Variants in HHLA2 observed in about 807,000 individuals in gnomAD.
HHLA2 encodes HHLA2 member of B7 family, also known as HERV-H LTR-associating protein 2.
Under a neutral mutation model 45.9 loss-of-function variants are expected in HHLA2, and 48 were observed. The ratio of observed to expected loss-of-function variants is 1.05; its 90% CI spans 0.83 to 1.33. HHLA2 has a LOEUF of 1.33. HHLA2 is among the 40% of genes most tolerant of loss of function. The pLI, the probability that HHLA2 is intolerant of heterozygous loss-of-function variation, is 0.00. For missense variants in HHLA2, 462 were observed against 494.3 expected (o/e 0.93, Z 0.62); for synonymous variants, 161 against 173.9 (o/e 0.93, Z 0.59).
chr3:108,309,569 T>G (rs1164805491), intron 1 of HHLA2, among the ~76,000 whole-genome samples: 1 of 152,164 alleles, frequency 6.6e-6, no homozygotes, highest in Non-Finnish European at 1.5e-5. Flanking sequence ...TGAGGTATAA[T>G]GCTCAGGTAA....
At chr3:108,362,393 C>G (rs996864327) in exon 8 of HHLA2, 1 of 1,612,938 alleles carries the variant, frequency 6.2e-7, no homozygotes, top group Non-Finnish European at 8.5e-7. Flanking sequence ...ATTTTGGTGC[C>G]CTCTGCGATT....
rs138824673 is a variant in HHLA2, at chr3:108,336,949, G to A, written c.-27+8602G>A. ...CTTGCTTGATGTGTCATGACTTAGC[G>A]CAAAATATTTTCTCTCCATATTTTA... On this transcript the variant is annotated intron_variant, in intron 3 of 10. Coordinates refer to ENST00000619531, the Ensembl canonical transcript of HHLA2. Among the ~76,000 whole-genome samples, 1,361 of 151,552 alleles carry A rather than the reference G, an allele frequency of 9.0e-3. 9 individuals carry two copies. The highest frequency in any genetic ancestry group is 0.013 in the Non-Finnish European group (897 of 67,986).
chr3:108,322,215 C>A (rs1005482438), intron 2 of HHLA2, among the ~76,000 whole-genome samples: 1 of 152,134 alleles, frequency 6.6e-6, no homozygotes, highest in African/African-American at 2.4e-5. Flanking sequence ...GCCTCTCAGG[C>A]GGAAGTCACT....
At chr3:108,307,897 G>GTA (rs780425376) in intron 1 of HHLA2, among the ~76,000 whole-genome samples, 3 of 151,720 alleles carry the variant, frequency 2.0e-5, no homozygotes, top group Non-Finnish European at 4.4e-5. Flanking sequence ...TACATAACAG[G>GTA]TATATATATG....
At chr3:108,313,219 C>T (rs2081048923) in intron 2 of HHLA2, among the ~76,000 whole-genome samples, 1 of 152,034 alleles carries the variant, frequency 6.6e-6, no homozygotes. Context: ...TTTTCTCAGG[C>T]TTGAGTCATG....
chr3:108,317,305 A>T (rs562164152), intron 2 of HHLA2, among the ~76,000 whole-genome samples: 1 of 152,192 alleles, frequency 6.6e-6, no homozygotes, highest in Admixed American at 6.5e-5. Context: ...GGATTTTTTT[A>T]AAGTATAGAC....
In HHLA2 at chr3:108,353,517, C is replaced by G; in HGVS notation, c.155C>G (p.Ser52Ter). The change falls in exon 5 of 11, where the codon TCA (serine) becomes TGA (stop). Residue 52 changes from serine (S) to a stop codon, truncating the protein, a stop_gained. Transcript: ENST00000619531. LOFTEE classifies it high-confidence loss of function. Reference sequence around the variant, plus strand: ...GATGAAGATATAATTCTCCCTTCTTCATTTGAGAGGGGATCCGAAGTCGTA... The same window carrying G: ...GATGAAGATATAATTCTCCCTTCTTGATTTGAGAGGGGATCCGAAGTCGTA... 6.2e-7 allele frequency: 1 copy of G among 1,612,050 alleles called. No individual in the cohort carries two copies. The highest frequency in any genetic ancestry group is 1.1e-5 in the South Asian group (1 of 90,792).
In HHLA2 at chr3:108,325,278, C is replaced by T. The variant is rs566190914; in HGVS notation, c.-104-2992C>T. Among the ~76,000 whole-genome samples the T allele has an allele frequency of 1.1e-4, 17 of 152,216 alleles. No individual in the cohort carries two copies. In the South Asian group the frequency reaches 1.9e-3, roughly 17 times the overall value. On this transcript the variant is annotated intron_variant, in intron 2 of 10. Transcript: ENST00000619531. ...AAACCCTTTGATGGAATGCTTTAAA[C>T]GTTCCACAAACAGAAACTAAAATAA...
intron 2 of HHLA2, among the ~76,000 whole-genome samples, chr3:108,312,457 C>A (rs958939530): frequency 6.6e-6 from 1 of 152,202 alleles, no homozygotes; most frequent in Non-Finnish European, 1.5e-5. Flanking sequence ...TAGGCAGGTG[C>A]ACCCAAACTC....
At chr3:108,335,013 T>C (rs988120300) in intron 3 of HHLA2, among the ~76,000 whole-genome samples, 1 of 152,246 alleles carries the variant, frequency 6.6e-6, no homozygotes, top group Non-Finnish European at 1.5e-5. Flanking sequence ...ATCTGAATAC[T>C]GAATGATTCC....
rs967486151 is a variant in HHLA2, at chr3:108,308,310, G to A, written c.-191-2345G>A. The stretch of plus-strand genomic sequence containing the variant: ...ATTTCACTTAACATAATAATCTCCA[G>A]CTCCATCCATGTCGTTGCAACTAAT... On this transcript the variant is annotated intron_variant, in intron 1 of 10. Coordinates refer to ENST00000619531, the Ensembl canonical transcript of HHLA2. 3.3e-5 allele frequency among the ~76,000 whole-genome samples: 5 copies of A among 152,126 alleles called. No individual in the cohort carries two copies. The South Asian group carries it at 8.3e-4, about 25-fold the overall frequency.
intron 3 of HHLA2, among the ~76,000 whole-genome samples, chr3:108,334,978 C>A (rs1576132721): frequency 6.6e-6 from 1 of 152,188 alleles, no homozygotes; most frequent in African/African-American, 2.4e-5. Context: ...CTCATTGGAG[C>A]AAATTAATGC....
chr3:108,322,568 G>A (rs1411136630), intron 2 of HHLA2, among the ~76,000 whole-genome samples: 2 of 152,308 alleles, frequency 1.3e-5, no homozygotes, highest in South Asian at 2.1e-4. Flanking sequence ...ACAGCAGAAA[G>A]TTCAACCTAT....
At chr3:108,334,269 G>A (rs1560220726) in intron 3 of HHLA2, among the ~76,000 whole-genome samples, 1 of 152,192 alleles carries the variant, frequency 6.6e-6, no homozygotes, top group African/African-American at 2.4e-5. Flanking sequence ...CCAAATTGAT[G>A]AGCCAGCTTT....
chr3:108,309,333 T>C (rs1015917040), intron 1 of HHLA2, among the ~76,000 whole-genome samples: 1 of 150,620 alleles, frequency 6.6e-6, no homozygotes, highest in Non-Finnish European at 1.5e-5. Flanking sequence ...ATGTAGATTT[T>C]TTTCTGGGTT....
At chr3:108,348,634 G>C (rs1576152636) in intron 3 of HHLA2, among the ~76,000 whole-genome samples, 1 of 140,078 alleles carries the variant, frequency 7.1e-6, no homozygotes, top group South Asian at 2.4e-4. Flanking sequence ...AAATATGATT[G>C]CAGGGACAAA....
Position 108,353,827 on chromosome 3 carries a change from A to G in HHLA2, c.418+47A>G, listed in dbSNP as rs372910358. 7 of 1,393,766 alleles carry G rather than the reference A, an allele frequency of 5.0e-6. No individual in the cohort carries two copies. The African/African-American group carries it at 7.2e-5, about 14-fold the overall frequency. The allele number at this position is 1,393,766 out of a possible 1,614,324, so 86.3% of individuals were successfully genotyped here. A position where few individuals can be genotyped will look rare whatever the true frequency, so the allele number is the denominator to read the frequency against. On this transcript the variant is annotated intron_variant, in intron 5 of 10. Transcript: ENST00000619531. Reference sequence around the variant, plus strand: ...CATGAAACAGCAATGACATCATTCCATGTTATTAGTAAGCGTCTTTTTCCT... The same window carrying G: ...CATGAAACAGCAATGACATCATTCCGTGTTATTAGTAAGCGTCTTTTTCCT...
chr3:108,337,251 C>A (rs1231794862), intron 3 of HHLA2, among the ~76,000 whole-genome samples: 3 of 152,130 alleles, frequency 2.0e-5, no homozygotes, highest in African/African-American at 4.8e-5. Context: ...ATTTTTCTAG[C>A]AATTCATTTT....
intron 2 of HHLA2, among the ~76,000 whole-genome samples, chr3:108,312,947 A>G (rs1171486439): frequency 8.1e-6 from 1 of 123,284 alleles, no homozygotes; most frequent in Non-Finnish European, 1.6e-5. Flanking sequence ...CTAAAAAAAC[A>G]CAACAGCTGA....
Sources: allele counts gnomAD v4.1 joint callset (sites outside exome capture counted in the v4.1 genomes callset), GRCh38; gene constraint gnomAD v4.1.1; transcripts MANE v1.5; gene names NCBI Gene and HGNC (gene_info 2026-07-23, HGNC 2026-07-21).